SWT1: variants seen among roughly 807,000 people sequenced by gnomAD.
SWT1 encodes the protein transcriptional protein SWT1.
In SWT1, 33 loss-of-function variants were observed where a neutral mutation model predicts 107.3. The ratio of observed to expected loss-of-function variants is 0.31; its 90% CI spans 0.23 to 0.41. SWT1 has a LOEUF of 0.41. Ranked by LOEUF, SWT1 falls within the 10% of genes least tolerant of loss-of-function variation. The probability of loss-of-function intolerance (pLI) is 1.00; values close to 1 mark genes in which losing one functional copy is unlikely to be tolerated. For missense variants in SWT1, 898 were observed against 1,028.9 expected, an observed-to-expected ratio of 0.87 and a Z score of 1.74; for synonymous variants, 345 against 348.3, an observed-to-expected ratio of 0.99 and a Z score of 0.11.
At chr1:185,278,651 C>T (rs887981251) in intron 18 of SWT1, among the ~76,000 whole-genome samples, 14 of 152,190 alleles carry the variant, frequency 9.2e-5, no homozygotes, top group African/African-American at 3.4e-4. Context: ...AATTGGTTTT[C>T]AGTGAGTTCT....
At chr1:185,162,758 T>G (rs1654255896) in intron 2 of SWT1, among the ~76,000 whole-genome samples, 1 of 152,076 alleles carries the variant, frequency 6.6e-6, no homozygotes, top group South Asian at 2.1e-4. Context: ...ATCCAGTACA[T>G]ATAAAAATTA....
chr1:185,256,108 C>T (rs1390213875), intron 16 of SWT1, among the ~76,000 whole-genome samples: 6 of 150,058 alleles, frequency 4.0e-5, no homozygotes, highest in Admixed American at 2.0e-4. Context: ...GAATATTGGC[C>T]CCCACTCTCT....
At chr1:185,173,180 T>C (rs1655233180) in intron 4 of SWT1, among the ~76,000 whole-genome samples, 1 of 152,174 alleles carries the variant, frequency 6.6e-6, no homozygotes, top group African/African-American at 2.4e-5. Context: ...TGCCCTATTC[T>C]AGAATCTTAG....
intron 15 of SWT1, among the ~76,000 whole-genome samples, chr1:185,224,159 C>G (rs1361081202): frequency 6.6e-6 from 1 of 152,118 alleles, no homozygotes; most frequent in Non-Finnish European, 1.5e-5. Context: ...TCTTGGTTGT[C>G]TTTTCACTCT....
intron 13 of SWT1, among the ~76,000 whole-genome samples, chr1:185,209,475 T>G (rs914338531): frequency 1.1e-4 from 17 of 152,118 alleles, no homozygotes; most frequent in African/African-American, 4.1e-4. Flanking sequence ...ACATGTGGTG[T>G]TTGGTTTTCT....
chr1:185,215,112 TA>T (rs1189256577), intron 14 of SWT1, among the ~76,000 whole-genome samples: 1 of 152,214 alleles, frequency 6.6e-6, no homozygotes, highest in Non-Finnish European at 1.5e-5. Flanking sequence ...TTCAAACTTA[TA>T]AAATGGTTAC....
intron 16 of SWT1, among the ~76,000 whole-genome samples, chr1:185,232,012 A>G (rs1029223259): frequency 6.6e-6 from 1 of 152,204 alleles, no homozygotes; most frequent in Non-Finnish European, 1.5e-5. Context: ...CAAGTTTGAA[A>G]AACTTGAATT....
intron 13 of SWT1, 152 bp downstream of exon 13, chr1:185,206,915 GGAT>G: frequency 1.8e-6 from 1 of 560,794 alleles, no homozygotes; most frequent in Non-Finnish European, 2.9e-6. Context: ...TGTGGAAACT[GGAT>G]GAACAGATGC....
At chr1:185,272,624 C>T (rs1404237111) in intron 17 of SWT1, among the ~76,000 whole-genome samples, 1 of 152,088 alleles carries the variant, frequency 6.6e-6, no homozygotes, top group Non-Finnish European at 1.5e-5. Context: ...TTTAATTCTC[C>T]TTATCTCAAT....
chr1:185,166,728 C>T lies in SWT1; in HGVS notation c.165+76C>T, dbSNP rs1654605500. 1.4e-5 allele frequency: 13 copies of T among 937,860 alleles called. No homozygotes were observed. The East Asian group carries it at 2.9e-4, about 21-fold the overall frequency. The allele number at this position is 937,860 out of a possible 1,614,324, so 58.1% of individuals were successfully genotyped here. On this transcript the variant is annotated intron_variant, in intron 3 of 18. Coordinates refer to ENST00000367500, the MANE Select transcript of SWT1 (RefSeq NM_017673.7). ...TCGACAGTGTTTGTGATATAAATTC[C>T]TCCTATACTTTTTGATAGCCAATAG...
chr1:185,181,865 T>A, intron 6 of SWT1, 81 bp from the exon 7 acceptor site: 1 of 1,475,378 alleles, frequency 6.8e-7, no homozygotes, highest in Non-Finnish European at 9.3e-7. Context: ...TCAAGTGAAT[T>A]AATTAAGAAT....
intron 16 of SWT1, among the ~76,000 whole-genome samples, chr1:185,238,788 C>T (rs1471129232): frequency 6.6e-6 from 1 of 151,616 alleles, no homozygotes; most frequent in African/African-American, 2.4e-5. Flanking sequence ...ATTATTTTTT[C>T]AAGTGTACAT....
At position 185,161,058 on chromosome 1, in the gene SWT1, G is replaced by A. The variant is rs1363218592; in HGVS notation, c.84+133G>A. The A allele has an allele frequency of 8.9e-6, 6 of 673,298 alleles. No homozygotes were observed. In the Admixed American group the frequency reaches 1.2e-4, roughly 13 times the overall value. 41.7% of individuals were successfully genotyped at this position (673,298 alleles called of 1,614,324 possible). A position where few individuals can be genotyped will look rare whatever the true frequency, so the allele number is the denominator to read the frequency against. ...TCAGCCGATCCAGGAAAAGTCATTT[G>A]CTTTTCCGGTTTTTTACTTGCATTG... On this transcript the variant is annotated intron_variant, in intron 2 of 18. Coordinates refer to ENST00000367500, the MANE Select transcript of SWT1 (RefSeq NM_017673.7).
rs1225661980 is a variant in SWT1 at position 185,167,550 on chromosome 1, C to G, written c.166-790C>G. 2.0e-5 allele frequency among the ~76,000 whole-genome samples: 3 copies of G among 152,288 alleles called. No individual in the cohort carries two copies. In the East Asian group the frequency reaches 5.8e-4, roughly 29 times the overall value. On this transcript the variant is annotated intron_variant, in intron 3 of 18. Coordinates refer to ENST00000367500, the MANE Select transcript of SWT1 (RefSeq NM_017673.7). Reference sequence around the variant, plus strand: ...AAGCTGCGGTTTCTATTTATTTTTGCAATATTAACCTTCTTGAAACACCGA... The same window carrying G: ...AAGCTGCGGTTTCTATTTATTTTTGGAATATTAACCTTCTTGAAACACCGA...
chr1:185,238,398 G>T (rs936658064), intron 16 of SWT1, among the ~76,000 whole-genome samples: 5 of 152,074 alleles, frequency 3.3e-5, no homozygotes, highest in Non-Finnish European at 5.9e-5. Flanking sequence ...CAAGGTGTTG[G>T]TATTACTAAC....
At chr1:185,177,034 C>T (rs989704693) in intron 5 of SWT1, 6 of 968,116 alleles carry the variant, frequency 6.2e-6, no homozygotes, top group African/African-American at 5.4e-5. Flanking sequence ...ATATTTCTTA[C>T]GAAAAATGGA....
At chr1:185,167,144 G>A (rs1019840012) in intron 3 of SWT1, among the ~76,000 whole-genome samples, 3 of 152,144 alleles carry the variant, frequency 2.0e-5, no homozygotes, top group Admixed American at 6.5e-5. Context: ...CTGACCTCAA[G>A]TGATCTGCCC....
chr1:185,194,020 C>A (rs753708976), intron 10 of SWT1, among the ~76,000 whole-genome samples: 3 of 152,146 alleles, frequency 2.0e-5, no homozygotes, highest in Non-Finnish European at 4.4e-5. Flanking sequence ...AGAATTGCTT[C>A]TTTTATAATT....
intron 10 of SWT1, among the ~76,000 whole-genome samples, chr1:185,198,762 G>GT (rs56138070): frequency 0.067 from 8,594 of 129,122 alleles, 259 homozygotes; most frequent in Non-Finnish European, 0.075. Context: ...GTTTTTTTTT[G>GT]TTTTTTTTTT....
Sources: gnomAD v4.1 joint callset for allele counts (sites outside exome capture counted in the v4.1 genomes callset) on GRCh38, gnomAD v4.1.1 for gene constraint, MANE v1.5 for transcripts, NCBI Gene and HGNC (gene_info 2026-07-23, HGNC 2026-07-21) for gene names.